The following SVEP1 variants were observed in gnomAD, a reference collection of about 807,000 sequenced individuals.
The protein encoded by SVEP1 is sushi, von Willebrand factor type A, EGF and pentraxin domain-containing protein 1.
In SVEP1, 164 loss-of-function variants were observed where a neutral mutation model predicts 367.3. The ratio of observed to expected loss-of-function variants is 0.45; its 90% CI spans 0.39 to 0.51. SVEP1 has a LOEUF of 0.51. Among genes scored for constraint, SVEP1 ranks in the 20% least tolerant of loss-of-function variants. SVEP1 has a pLI of 0.00. For missense variants in SVEP1, 4,117 were observed against 4,425.3 expected (o/e 0.93, Z 1.98); for synonymous variants, 1,666 against 1,611.6 (o/e 1.03, Z -0.81).
At chr9:110,491,215 T>C (rs1016741491) in intron 8 of SVEP1, among the ~76,000 whole-genome samples, 1 of 151,900 alleles carries the variant, frequency 6.6e-6, no homozygotes, top group Non-Finnish European at 1.5e-5. Flanking sequence ...TTGTTTCTTA[T>C]TATTCTTTTC....
intron 18 of SVEP1, among the ~76,000 whole-genome samples, chr9:110,465,402 T>C (rs893567752): frequency 6.6e-6 from 1 of 152,146 alleles, no homozygotes; most frequent in Non-Finnish European, 1.5e-5. Context: ...CTCATGTAAA[T>C]GTGAAGATGA....
At chr9:110,477,768 TA>T (rs1226495012) in intron 13 of SVEP1, among the ~76,000 whole-genome samples, 1 of 152,018 alleles carries the variant, frequency 6.6e-6, no homozygotes, top group East Asian at 1.9e-4. Context: ...TCAGAAGATA[TA>T]AAAAAAATCC....
At chr9:110,483,234 C>T (rs1316017504) in intron 10 of SVEP1, among the ~76,000 whole-genome samples, 1 of 152,066 alleles carries the variant, frequency 6.6e-6, no homozygotes, top group African/African-American at 2.4e-5. Context: ...AGAACTGAGT[C>T]TGAATATATA....
intron 1 of SVEP1, among the ~76,000 whole-genome samples, chr9:110,578,751 G>C (rs1005152024): frequency 1.3e-5 from 2 of 152,146 alleles, no homozygotes; most frequent in East Asian, 3.9e-4. Context: ...GCGTTTCAAG[G>C]ATCCCTTCCT....
chr9:110,415,932 A>G (rs1323736042), intron 36 of SVEP1, among the ~76,000 whole-genome samples: 4 of 152,030 alleles, frequency 2.6e-5, no homozygotes, highest in African/African-American at 4.8e-5. Flanking sequence ...TGGAGTCTGT[A>G]CCTCATGTGG....
At chr9:110,412,191 G>T (rs1828054774) in intron 36 of SVEP1, among the ~76,000 whole-genome samples, 2 of 152,128 alleles carry the variant, frequency 1.3e-5, no homozygotes, top group Admixed American at 1.3e-4. Context: ...AATTCTATCT[G>T]CCTTTAGATG....
At chr9:110,499,965 T>A (rs1829507394) in intron 6 of SVEP1, among the ~76,000 whole-genome samples, 1 of 152,222 alleles carries the variant, frequency 6.6e-6, no homozygotes, top group Non-Finnish European at 1.5e-5. Context: ...ATTCAGTACC[T>A]ACTATGTGCC....
intron 3 of SVEP1, among the ~76,000 whole-genome samples, chr9:110,521,422 T>C (rs761082714): frequency 3.3e-5 from 5 of 152,172 alleles, no homozygotes; most frequent in South Asian, 2.1e-4. Flanking sequence ...GGATGCCATA[T>C]TGCAAATGTA....
At chr9:110,517,135 C>T (rs529289021) in intron 3 of SVEP1, among the ~76,000 whole-genome samples, 5 of 152,166 alleles carry the variant, frequency 3.3e-5, no homozygotes, top group South Asian at 2.1e-4. Context: ...GAAAGACATT[C>T]GAGGATGTGC....
chr9:110,545,981 A>T (rs181608205), intron 3 of SVEP1, 134 bp downstream of exon 3: 84 of 1,110,766 alleles, frequency 7.6e-5, no homozygotes, highest in Admixed American at 6.2e-4. Context: ...GCACAGCTGA[A>T]GCCCCAAAGA....
chr9:110,415,095 AG>A (rs1406264038), intron 36 of SVEP1, among the ~76,000 whole-genome samples: 16 of 152,080 alleles, frequency 1.1e-4, no homozygotes, highest in Non-Finnish European at 1.9e-4. Context: ...TTTTGATAAA[AG>A]GTTTAAAAAA....
intron 24 of SVEP1, 91 bp downstream of exon 24, chr9:110,449,968 G>C (rs1222584207): frequency 1.8e-5 from 26 of 1,410,664 alleles, no homozygotes; most frequent in Non-Finnish European, 2.5e-5. Flanking sequence ...TGACTGACTT[G>C]AGACTCAAAG....
At chr9:110,469,835 A>G (rs1828988874) in intron 16 of SVEP1, among the ~76,000 whole-genome samples, 1 of 152,240 alleles carries the variant, frequency 6.6e-6, no homozygotes, top group African/African-American at 2.4e-5. Context: ...GCAAGATCAC[A>G]CTGAGAAATG....
chr9:110,462,587 G>T (rs1044205865), intron 18 of SVEP1, among the ~76,000 whole-genome samples: 1 of 150,054 alleles, frequency 6.7e-6, no homozygotes, highest in Non-Finnish European at 1.5e-5. Context: ...ACATAAATAC[G>T]CAATTCCTAA....
At chr9:110,513,914 T>C in intron 4 of SVEP1, 34 bp downstream of exon 4, 1 of 1,590,842 alleles carries the variant, frequency 6.3e-7, no homozygotes, top group South Asian at 1.1e-5. Flanking sequence ...AATCAGCTTT[T>C]ATATTTCCCA....
intron 3 of SVEP1, among the ~76,000 whole-genome samples, chr9:110,525,542 G>A (rs761053749): frequency 6.6e-6 from 1 of 152,038 alleles, no homozygotes; most frequent in Non-Finnish European, 1.5e-5. Flanking sequence ...AAAATCCCAA[G>A]AAGATTTTTT....
chr9:110,479,494 A>C (rs1829151557), intron 13 of SVEP1, 141 bp downstream of exon 13: 1 of 1,008,224 alleles, frequency 9.9e-7, no homozygotes, highest in African/African-American at 1.7e-5. Flanking sequence ...TTCAAAATCT[A>C]TGAATAATTT....
intron 36 of SVEP1, among the ~76,000 whole-genome samples, chr9:110,425,682 T>A (rs1828243579): frequency 6.6e-6 from 1 of 152,262 alleles, no homozygotes; most frequent in African/African-American, 2.4e-5. Flanking sequence ...AAATCACTTT[T>A]AGATAAACGT....
intron 40 of SVEP1, among the ~76,000 whole-genome samples, chr9:110,398,873 A>G (rs913644617): frequency 2.0e-5 from 3 of 152,246 alleles, no homozygotes; most frequent in African/African-American, 7.2e-5. Context: ...GTGGAGAAAT[A>G]GGAACACTTT....
Sources: allele counts gnomAD v4.1 joint callset (sites outside exome capture counted in the v4.1 genomes callset), GRCh38; gene constraint gnomAD v4.1.1; transcripts MANE v1.5; gene names NCBI Gene and HGNC (gene_info 2026-07-23, HGNC 2026-07-21).